The following ADAMTS16 variants were observed in gnomAD, a reference collection of about 807,000 sequenced individuals.
ADAMTS16 encodes the protein ADAM metallopeptidase with thrombospondin type 1 motif 16, also known as A disintegrin and metalloproteinase with thrombospondin motifs 16.
ADAMTS16 carries 94 observed loss-of-function variants against 145.8 expected under a neutral mutation model. The ratio of observed to expected loss-of-function variants is 0.64; its 90% CI spans 0.55 to 0.77. The LOEUF (loss-of-function observed/expected upper bound fraction) is 0.77, where lower values mean the gene tolerates loss of function less well. Ranked by LOEUF, ADAMTS16 falls within the 30% of genes least tolerant of loss-of-function variation. The probability of loss-of-function intolerance (pLI) is 0.00; values close to 1 mark genes in which losing one functional copy is unlikely to be tolerated. For missense variants in ADAMTS16, 1,585 were observed against 1,591.5 expected (o/e 1.00, Z 0.07); for synonymous variants, 659 against 604.3 (o/e 1.09, Z -1.33).
rs1005219708 is a variant in ADAMTS16, at chr5:5,192,181, G to A, written c.1313+391G>A. Among the ~76,000 whole-genome samples, 7 of 152,154 alleles carry A rather than the reference G, an allele frequency of 4.6e-5. No individual in the cohort carries two copies. In the East Asian group the frequency reaches 7.7e-4, roughly 17 times the overall value. On this transcript the variant is annotated intron_variant, in intron 8 of 22. Transcript: ENST00000274181. ...GTAATTTTTGGAGTGACAGGGTTTC[G>A]CCGTGTTGCTCAGGCTGTGCACATT...
rs1301387911 is a variant in ADAMTS16 at position 5,259,489 on chromosome 5, A to G, written c.2663-3168A>G. ...GTTAAGGATAGGCCAGGAGAAAGGA[A>G]TACAGAATCCCAGAAACACAGTATG... On this transcript the variant is annotated intron_variant, in intron 17 of 22. Coordinates refer to ENST00000274181, the MANE Select transcript of ADAMTS16 (RefSeq NM_139056.4). Among the ~76,000 whole-genome samples, 9 of 152,358 alleles carry G rather than the reference A, an allele frequency of 5.9e-5. 1 individual carries two copies. The South Asian group carries it at 8.3e-4, about 14-fold the overall frequency.
chr5:5,226,221 T>A (rs1174019226), intron 11 of ADAMTS16, among the ~76,000 whole-genome samples: 1 of 152,174 alleles, frequency 6.6e-6, no homozygotes, highest in East Asian at 1.9e-4. Context: ...TGAGGCTGGA[T>A]AATTTATAAA....
intron 4 of ADAMTS16, among the ~76,000 whole-genome samples, chr5:5,185,439 C>T (rs935199273): frequency 6.6e-6 from 1 of 152,194 alleles, no homozygotes; most frequent in African/African-American, 2.4e-5. Context: ...AAAGGGATTA[C>T]TTCAAGAGGA....
intron 17 of ADAMTS16, among the ~76,000 whole-genome samples, chr5:5,248,024 A>T (rs900387790): frequency 2.0e-5 from 3 of 152,268 alleles, no homozygotes; most frequent in Non-Finnish European, 2.9e-5. Flanking sequence ...ATGCGCATGC[A>T]TGAGGCATCA....
intron 3 of ADAMTS16, among the ~76,000 whole-genome samples, chr5:5,158,259 C>T (rs1052530837): frequency 5.3e-5 from 8 of 152,276 alleles, no homozygotes; most frequent in Admixed American, 1.3e-4. Context: ...ATGATTGTTA[C>T]GATTCCTACA....
intron 20 of ADAMTS16, 49 bp from the exon 21 acceptor site, chr5:5,306,455 C>T: frequency 2.6e-6 from 4 of 1,557,828 alleles, no homozygotes; most frequent in Non-Finnish European, 3.5e-6. Flanking sequence ...ACAGATTTTG[C>T]AAAAAAAGAG....
chr5:5,172,085 T>C (rs1352134798), intron 3 of ADAMTS16, among the ~76,000 whole-genome samples: 1 of 152,074 alleles, frequency 6.6e-6, no homozygotes, highest in Non-Finnish European at 1.5e-5. Flanking sequence ...TCATCCTTTG[T>C]ATGTCTGTAA....
At chr5:5,154,863 T>C (rs1275752844) in intron 3 of ADAMTS16, among the ~76,000 whole-genome samples, 1 of 152,138 alleles carries the variant, frequency 6.6e-6, no homozygotes. Context: ...TTAGTAATGC[T>C]CAGACCTGAA....
chr5:5,274,563 T>C (rs1738609748), intron 18 of ADAMTS16, among the ~76,000 whole-genome samples: 1 of 152,176 alleles, frequency 6.6e-6, no homozygotes, highest in Non-Finnish European at 1.5e-5. Context: ...AACATTTTAT[T>C]GTCTGGATGC....
chr5:5,144,464 T>G (rs925733361), intron 2 of ADAMTS16, among the ~76,000 whole-genome samples: 3 of 152,258 alleles, frequency 2.0e-5, no homozygotes, highest in African/African-American at 7.2e-5. Flanking sequence ...TTCTATAGCT[T>G]TATGGTAATT....
At chr5:5,198,164 T>G (rs1735858517) in intron 8 of ADAMTS16, among the ~76,000 whole-genome samples, 1 of 152,210 alleles carries the variant, frequency 6.6e-6, no homozygotes, top group African/African-American at 2.4e-5. Context: ...CCGTAATGTG[T>G]CTTCTTCATT....
At chr5:5,183,385 C>A (rs1213005320) in intron 4 of ADAMTS16, among the ~76,000 whole-genome samples, 1 of 152,194 alleles carries the variant, frequency 6.6e-6, no homozygotes, top group Non-Finnish European at 1.5e-5. Flanking sequence ...CAGGTCAGGA[C>A]CCAGATGCGT....
At chr5:5,140,852 G>A in intron 2 of ADAMTS16, 86 bp downstream of exon 2, 1 of 1,299,354 alleles carries the variant, frequency 7.7e-7, no homozygotes, top group Admixed American at 2.8e-5. Flanking sequence ...TGCTGTGAAT[G>A]TTCACGACTC....
At chr5:5,155,250 G>C (rs1366585829) in intron 3 of ADAMTS16, among the ~76,000 whole-genome samples, 2 of 152,018 alleles carry the variant, frequency 1.3e-5, no homozygotes, top group Non-Finnish European at 1.5e-5. Context: ...GAACAGATAG[G>C]AAGTCTGTTA....
intron 3 of ADAMTS16, among the ~76,000 whole-genome samples, chr5:5,174,017 C>G (rs1217186660): frequency 6.6e-6 from 1 of 152,014 alleles, no homozygotes; most frequent in Non-Finnish European, 1.5e-5. Context: ...TTGTGTTTTT[C>G]TTTGTATTTA....
intron 18 of ADAMTS16, among the ~76,000 whole-genome samples, chr5:5,278,751 G>T (rs773778485): frequency 2.6e-4 from 40 of 152,130 alleles, no homozygotes; most frequent in Admixed American, 3.3e-4. Flanking sequence ...AATAGATACA[G>T]TGTTTATTTA....
At chr5:5,225,625 C>T (rs1736737987) in intron 11 of ADAMTS16, among the ~76,000 whole-genome samples, 2 of 150,108 alleles carry the variant, frequency 1.3e-5, no homozygotes, top group African/African-American at 4.9e-5. Context: ...GAAAGAGGAG[C>T]AAAGGAAGCA....
chr5:5,220,149 A>G (rs28475749), intron 10 of ADAMTS16, among the ~76,000 whole-genome samples: 3,369 of 147,042 alleles, frequency 0.023, 131 homozygotes, highest in African/African-American at 0.081. Context: ...ATAGTAAAAT[A>G]ATTTAACTTT....
intron 3 of ADAMTS16, among the ~76,000 whole-genome samples, chr5:5,181,120 GT>G (rs1735326735): frequency 6.6e-6 from 1 of 152,118 alleles, no homozygotes; most frequent in Non-Finnish European, 1.5e-5. Flanking sequence ...ATTCACACCT[GT>G]TCACTGATAT....
Sources: gnomAD v4.1 joint callset for allele counts (sites outside exome capture counted in the v4.1 genomes callset) on GRCh38, gnomAD v4.1.1 for gene constraint, MANE v1.5 for transcripts, NCBI Gene and HGNC (gene_info 2026-07-23, HGNC 2026-07-21) for gene names.